Variants in RB1 observed in about 807,000 individuals in gnomAD.
RB1 encodes the protein RB transcriptional corepressor 1, also known as retinoblastoma-associated protein.
Under a neutral mutation model 135.4 loss-of-function variants are expected in RB1, and 18 were observed. The observed-to-expected ratio is 0.13, with a 90% CI of 0.09 to 0.20. The LOEUF is 0.20. Among genes scored for constraint, RB1 ranks in the 10% least tolerant of loss-of-function variants. The pLI, the probability that RB1 is intolerant of heterozygous loss-of-function variation, is 1.00. For synonymous variants in RB1, 365 were observed against 373.2 expected (o/e 0.98, Z 0.25); for missense variants, 868 against 1,110.0 (o/e 0.78, Z 3.10).
At chr13:48,370,972 G>C (rs1479685363) in intron 11 of RB1, among the ~76,000 whole-genome samples, 1 of 152,094 alleles carries the variant, frequency 6.6e-6, no homozygotes, top group Non-Finnish European at 1.5e-5. Flanking sequence ...AGTATTTTAC[G>C]AGTTGTATGT....
At chr13:48,328,467 C>T (rs569792906) in intron 2 of RB1, 2 of 922,342 alleles carry the variant, frequency 2.2e-6, no homozygotes, top group African/African-American at 1.6e-5. Context: ...GATCGCTTCT[C>T]AGCGCTGCGG....
At chr13:48,391,156 C>G (rs768588902) in intron 17 of RB1, among the ~76,000 whole-genome samples, 4 of 151,912 alleles carry the variant, frequency 2.6e-5, no homozygotes, top group Non-Finnish European at 4.4e-5. Flanking sequence ...TAATATGAAT[C>G]TTTAATCTTT....
Position 48,465,096 on chromosome 13 carries a change from G to C in RB1, c.2310G>C (p.Gln770His), listed in dbSNP as rs777040395. The change falls in exon 22 of 27, where the codon CAG becomes CAC. Residue 770 changes from glutamine to histidine, a missense_variant. Gln to His is a conservative substitution (Grantham distance 24). This residue lies in a region of RB1 where 196 missense variants were observed against 239.8 expected (regional missense o/e 0.82). Transcript: ENST00000267163. ...AGAGACTGAAAACAAATATTTTGCAGTATGCTTCCACCAGGGTAGGTCAAA... is the reference window on the plus strand; with the variant it reads ...AGAGACTGAAAACAAATATTTTGCACTATGCTTCCACCAGGGTAGGTCAAA... Reference protein sequence around the residue: ...FMQRLKTNILQYASTRPPTLS... With the variant: ...FMQRLKTNILHYASTRPPTLS... 1 of 1,611,228 alleles carries C rather than the reference G, an allele frequency of 6.2e-7. No homozygotes were observed. Among genetic ancestry groups the C allele is most frequent in the East Asian group, 2.2e-5 (1 of 44,680 alleles).
At chr13:48,326,497 A>G (rs573978335) in intron 2 of RB1, among the ~76,000 whole-genome samples, 1 of 152,262 alleles carries the variant, frequency 6.6e-6, no homozygotes, top group Admixed American at 6.5e-5. Context: ...CAGAAGAGGT[A>G]TGTTATTTTA....
chr13:48,399,743 A>G (rs927225201), intron 17 of RB1, among the ~76,000 whole-genome samples: 1 of 151,968 alleles, frequency 6.6e-6, no homozygotes, highest in African/African-American at 2.4e-5. Flanking sequence ...TCTGTTTATG[A>G]TTTTAAACAT....
At chr13:48,467,121 T>C (rs1205700298) in intron 23 of RB1, among the ~76,000 whole-genome samples, 37 of 31,834 alleles carry the variant, frequency 1.2e-3, no homozygotes, top group African/African-American at 4.9e-3. Context: ...TTCACCAAAG[T>C]TGAAATGAAG....
chr13:48,441,673 T>C (rs1378561329), intron 17 of RB1, among the ~76,000 whole-genome samples: 1 of 152,190 alleles, frequency 6.6e-6, no homozygotes, highest in Non-Finnish European at 1.5e-5. Flanking sequence ...ATACTGTGTT[T>C]AATCATCAAG....
At chr13:48,339,471 C>T (rs1442540157) in intron 2 of RB1, among the ~76,000 whole-genome samples, 2 of 152,220 alleles carry the variant, frequency 1.3e-5, no homozygotes, top group South Asian at 4.1e-4. Context: ...ACCCTCCGAG[C>T]CAGGCACAGG....
chr13:48,379,396 A>G (rs1948511745), intron 13 of RB1, among the ~76,000 whole-genome samples, 198 bp from the exon 14 acceptor site: 1 of 152,048 alleles, frequency 6.6e-6, no homozygotes, highest in African/African-American at 2.4e-5. Flanking sequence ...AAATTTTAGT[A>G]ATTGTCAGCT....
At chr13:48,421,067 T>A (rs1455295859) in intron 17 of RB1, among the ~76,000 whole-genome samples, 1 of 151,978 alleles carries the variant, frequency 6.6e-6, no homozygotes, top group Admixed American at 6.6e-5. Flanking sequence ...AAAAAGCCCA[T>A]ATAGCCAAGA....
chr13:48,457,632 T>A (rs1001712572), intron 19 of RB1, among the ~76,000 whole-genome samples: 4 of 152,144 alleles, frequency 2.6e-5, no homozygotes, highest in African/African-American at 9.7e-5. Flanking sequence ...CATCCATGCG[T>A]CAAGGGGCAC....
chr13:48,363,701 G>C (rs887631209), intron 8 of RB1, among the ~76,000 whole-genome samples: 3 of 152,126 alleles, frequency 2.0e-5, no homozygotes, highest in Non-Finnish European at 4.4e-5. Flanking sequence ...AGCACATAAT[G>C]ACTGCTGGAG....
intron 8 of RB1, among the ~76,000 whole-genome samples, chr13:48,363,820 C>G (rs1952666315): frequency 6.6e-6 from 1 of 152,160 alleles, no homozygotes; most frequent in Non-Finnish European, 1.5e-5. Context: ...AGTAAACAAG[C>G]TTCCAGGGAC....
chr13:48,416,348 T>C (rs1238896809), intron 17 of RB1: 1 of 152,258 alleles, frequency 6.6e-6, no homozygotes, highest in Non-Finnish European at 1.5e-5. Flanking sequence ...CTTCCTCCCC[T>C]AGCTAAGGGA....
At chr13:48,381,858 A>G (rs1318327921) in intron 17 of RB1, among the ~76,000 whole-genome samples, 1 of 151,358 alleles carries the variant, frequency 6.6e-6, no homozygotes, top group Non-Finnish European at 1.5e-5. Context: ...TCCCTACCCC[A>G]TGACAGGCCC....
intron 2 of RB1, among the ~76,000 whole-genome samples, chr13:48,311,674 T>C (rs2804091): frequency 0.93 from 141,634 of 152,198 alleles, 66,374 homozygotes; most frequent in East Asian, 1. Context: ...ATTAGAATGG[T>C]CCTTTTAAAT....
intron 2 of RB1, among the ~76,000 whole-genome samples, chr13:48,327,145 G>A (rs1952294198): frequency 1.3e-5 from 2 of 151,690 alleles, no homozygotes; most frequent in Non-Finnish European, 2.9e-5. Flanking sequence ...GTTACAGAAA[G>A]TGCATCTTCT....
intron 5 of RB1, 128 bp from the exon 6 acceptor site, chr13:48,348,828 T>C: frequency 9.5e-7 from 1 of 1,055,602 alleles, no homozygotes; most frequent in Non-Finnish European, 1.3e-6. Flanking sequence ...CTGCATTCTA[T>C]TATGCATTTA....
At chr13:48,456,881 C>T (rs1327301344) in intron 19 of RB1, among the ~76,000 whole-genome samples, 1 of 152,248 alleles carries the variant, frequency 6.6e-6, no homozygotes, top group Admixed American at 6.5e-5. Flanking sequence ...CTCCCAGAAG[C>T]TTGGAGACGC....
Sources: gnomAD v4.1 joint callset for allele counts (sites outside exome capture counted in the v4.1 genomes callset) on GRCh38, gnomAD v4.1.1 for gene constraint, gnomAD v4.1.1 regional missense constraint, MANE v1.5 for transcripts, NCBI Gene and HGNC (gene_info 2026-07-23, HGNC 2026-07-21) for gene names.